RASGRP3: variants seen among roughly 807,000 people sequenced by gnomAD.
The protein encoded by RASGRP3 is RAS guanyl releasing protein 3.
RASGRP3 carries 54 observed loss-of-function variants against 82.7 expected under a neutral mutation model. That is an observed-to-expected ratio of 0.65 (90% CI 0.52 to 0.82). RASGRP3 has a LOEUF of 0.82. Ranked by LOEUF, RASGRP3 falls within the 40% of genes least tolerant of loss-of-function variation. RASGRP3 has a pLI of 0.00. For missense variants in RASGRP3, 861 were observed against 828.9 expected, an observed-to-expected ratio of 1.04 and a Z score of -0.48; for synonymous variants, 309 against 300.5, an observed-to-expected ratio of 1.03 and a Z score of -0.29.
At chr2:33,503,078 T>G (rs527566307) in intron 1 of RASGRP3, among the ~76,000 whole-genome samples, 14 of 152,340 alleles carry the variant, frequency 9.2e-5, no homozygotes, top group African/African-American at 3.1e-4. Context: ...TATTAATCCA[T>G]TTGTAATATT....
At chr2:33,511,110 C>A (rs538989559) in intron 1 of RASGRP3, among the ~76,000 whole-genome samples, 1 of 152,234 alleles carries the variant, frequency 6.6e-6, no homozygotes, top group East Asian at 1.9e-4. Flanking sequence ...ATAATTCAAA[C>A]CCTGGGAGAA....
intron 10 of RASGRP3, among the ~76,000 whole-genome samples, chr2:33,530,400 C>G (rs992050564): frequency 1.4e-4 from 20 of 140,560 alleles, no homozygotes; most frequent in South Asian, 1.2e-3. Flanking sequence ...ACAGTTTTCA[C>G]AGCACTTTTC....
At chr2:33,533,026 C>G (rs1161799959) in intron 10 of RASGRP3, 1 of 152,202 alleles carries the variant, frequency 6.6e-6, no homozygotes, top group Non-Finnish European at 1.5e-5. Context: ...CCACCTCATA[C>G]ACATGTTAGA....
intron 2 of RASGRP3, among the ~76,000 whole-genome samples, chr2:33,470,657 G>C (rs186183420): frequency 6.6e-6 from 1 of 152,122 alleles, no homozygotes; most frequent in Non-Finnish European, 1.5e-5. Flanking sequence ...GGGATTATGG[G>C]TGTGAGCCAC....
At chr2:33,549,090 A>C (rs1439497656) in intron 13 of RASGRP3, among the ~76,000 whole-genome samples, 1 of 152,096 alleles carries the variant, frequency 6.6e-6, no homozygotes, top group Non-Finnish European at 1.5e-5. Flanking sequence ...TAGATCTGGA[A>C]GAATTGCTCC....
chr2:33,527,060 T>C (rs1672633465), intron 9 of RASGRP3, 77 bp from the exon 10 acceptor site: 2 of 1,457,360 alleles, frequency 1.4e-6, no homozygotes, highest in African/African-American at 1.5e-5. Flanking sequence ...AGGAATTTCC[T>C]AGCCACACAT....
At chr2:33,536,535 G>A (rs893725931) in intron 11 of RASGRP3, among the ~76,000 whole-genome samples, 2 of 151,302 alleles carry the variant, frequency 1.3e-5, no homozygotes, top group Non-Finnish European at 2.9e-5. Context: ...TGTGCCTTTA[G>A]TTTTACTTTA....
intron 6 of RASGRP3, 25 bp from the exon 7 acceptor site, chr2:33,521,930 G>T: frequency 2.5e-6 from 4 of 1,594,046 alleles, no homozygotes; most frequent in South Asian, 2.3e-5. Context: ...TCAACACATT[G>T]ACCGGACTCA....
chr2:33,559,206 T>G (rs371356016), intron 17 of RASGRP3, among the ~76,000 whole-genome samples, 176 bp downstream of exon 17: 3 of 152,192 alleles, frequency 2.0e-5, no homozygotes, highest in African/African-American at 2.4e-5. Flanking sequence ...CCTGGACATA[T>G]GTTTCTTCTT....
intron 1 of RASGRP3, among the ~76,000 whole-genome samples, chr2:33,477,572 C>T (rs961635542): frequency 1.3e-5 from 2 of 152,192 alleles, no homozygotes; most frequent in Non-Finnish European, 2.9e-5. Flanking sequence ...CGGAGAGAAC[C>T]GGCTCCTTCT....
At position 33,450,896 on chromosome 2, in the gene RASGRP3, G is replaced by T. The variant is rs1368576587; in HGVS notation, c.-261+2953G>T. ...TCATTCGCCCAGGCTGGAGTGTAGT[G>T]GCATGATCTCGGCTCACTGCAAACT... On this transcript the variant is annotated intron_variant, in intron 2 of 18. Coordinates refer to the RASGRP3 transcript ENST00000402538. Among the ~76,000 whole-genome samples, 9 of 118,680 alleles carry T rather than the reference G, an allele frequency of 7.6e-5. No homozygotes were observed. In the Admixed American group the frequency reaches 9.8e-4, roughly 13 times the overall value. 77.9% of individuals were successfully genotyped at this position (118,680 alleles called of 152,430 possible). A position where few individuals can be genotyped will look rare whatever the true frequency, so the allele number is the denominator to read the frequency against.
intron 2 of RASGRP3, chr2:33,514,152 T>A (rs1242476582): frequency 6.6e-6 from 1 of 152,254 alleles, no homozygotes; most frequent in East Asian, 1.9e-4. Context: ...GCATAGTACA[T>A]AATGTGGGTG....
intron 1 of RASGRP3, among the ~76,000 whole-genome samples, chr2:33,484,647 C>G (rs1449504091): frequency 2.0e-5 from 3 of 152,154 alleles, no homozygotes; most frequent in Non-Finnish European, 4.4e-5. Context: ...TAATCCATCT[C>G]TTTCTACTTT....
chr2:33,547,807 C>A (rs1269146900), intron 13 of RASGRP3, among the ~76,000 whole-genome samples: 1 of 151,938 alleles, frequency 6.6e-6, no homozygotes, highest in Non-Finnish European at 1.5e-5. Flanking sequence ...AGTCAGAGGG[C>A]CCTGCAGGTG....
intron 13 of RASGRP3, among the ~76,000 whole-genome samples, chr2:33,544,577 A>T (rs1043693069): frequency 7.9e-5 from 12 of 152,172 alleles, no homozygotes; most frequent in Non-Finnish European, 4.4e-5. Context: ...TGTTAATAGT[A>T]CGAGATTAGT....
intron 1 of RASGRP3, among the ~76,000 whole-genome samples, chr2:33,492,536 A>G (rs1668945809): frequency 6.6e-6 from 1 of 152,164 alleles, no homozygotes; most frequent in Non-Finnish European, 1.5e-5. Context: ...TAAGGAGGTA[A>G]TTACGGTTAA....
At position 33,511,716 on chromosome 2, in the gene RASGRP3, C is replaced by T. The variant is rs1316100432; in HGVS notation, c.-254C>T. 1 of 152,542 alleles carries T rather than the reference C, an allele frequency of 6.6e-6. No homozygotes were observed. The highest frequency in any genetic ancestry group is 1.9e-4 in the East Asian group (1 of 5,190). The allele number at this position is 152,542 out of a possible 1,614,324, so 9.4% of individuals were successfully genotyped here. A position where few individuals can be genotyped will look rare whatever the true frequency, so the allele number is the denominator to read the frequency against. ...CTTTCTGTTCTTTTGTCAGGTTCTC[C>T]AAAATACTTATCATTCAGGTTGAAT... On this transcript the variant is annotated 5_prime_UTR_variant, in exon 2 of 18. Coordinates refer to ENST00000403687, the MANE Select transcript of RASGRP3 (RefSeq NM_001139488.2).
intron 4 of RASGRP3, among the ~76,000 whole-genome samples, chr2:33,518,002 A>G (rs1671628028): frequency 6.6e-6 from 1 of 152,246 alleles, no homozygotes; most frequent in Admixed American, 6.5e-5. Flanking sequence ...AAATACGCTT[A>G]CAAGTAAATA....
At chr2:33,453,414 T>C (rs896734039) in intron 2 of RASGRP3, among the ~76,000 whole-genome samples, 1 of 152,190 alleles carries the variant, frequency 6.6e-6, no homozygotes, top group Non-Finnish European at 1.5e-5. Flanking sequence ...AAAATACTAT[T>C]GCACCATCTT....
Sources: allele counts gnomAD v4.1 joint callset (sites outside exome capture counted in the v4.1 genomes callset), GRCh38; gene constraint gnomAD v4.1.1; transcripts MANE v1.5; gene names NCBI Gene and HGNC (gene_info 2026-07-23, HGNC 2026-07-21).